USH1C: variants seen among roughly 807,000 people sequenced by gnomAD.
USH1C encodes USH1 protein network component harmonin, also known as harmonin.
Under a neutral mutation model 119.3 loss-of-function variants are expected in USH1C, and 90 were observed. That is an observed-to-expected ratio of 0.75 (90% CI 0.64 to 0.90). USH1C has a LOEUF of 0.90. Ranked by LOEUF, USH1C falls within the 40% of genes least tolerant of loss-of-function variation. USH1C has a pLI of 0.00. For missense variants in USH1C, 1,165 were observed against 1,167.7 expected, an observed-to-expected ratio of 1.00 and a Z score of 0.03; for synonymous variants, 465 against 443.3, an observed-to-expected ratio of 1.05 and a Z score of -0.62.
chr11:17,523,462 A>C lies in USH1C; in HGVS notation c.776T>G (p.Val259Gly), dbSNP rs772108970. 6.2e-7 allele frequency: 1 copy of C among 1,614,204 alleles called. No individual in the cohort carries two copies. The highest frequency in any genetic ancestry group is 2.2e-5 in the East Asian group (1 of 44,884). ...EVGLEIGDQI[V>G]EVNGVDFSNL... Reference sequence around the variant, plus strand: ...AGAGAAGTCGACGCCATTGACTTCGACAATCTGGTCCCCTATCTGGTGGGG... The same window carrying C: ...AGAGAAGTCGACGCCATTGACTTCGCCAATCTGGTCCCCTATCTGGTGGGG... Residue 259 changes from valine to glycine, a missense_variant, in exon 10 of 27, where the codon GTC (valine) becomes GGC (glycine). Transcript: ENST00000005226.
rs1850964316 is a variant in USH1C, at chr11:17,531,324, G to A, written c.249-32C>T. On this transcript the variant is annotated intron_variant, in intron 3 of 26. Transcript: ENST00000005226. This position sits in a 1 kb window ranked among gnomAD's most constrained non-coding sequence, Gnocchi z 4.2. ...CACAGGAGAGGTCGGTGATGGTGCA[G>A]CTTGGCTGCCAGCACTGCCCCGCCC... The A allele has an allele frequency of 6.2e-7, 1 of 1,614,098 alleles. No individual in the cohort carries two copies. Among genetic ancestry groups the A allele is most frequent in the Non-Finnish European group, 8.5e-7 (1 of 1,180,016 alleles).
chr11:17,535,080 C>T (rs1354863199), intron 1 of USH1C, among the ~76,000 whole-genome samples: 2 of 152,170 alleles, frequency 1.3e-5, no homozygotes, highest in East Asian at 3.8e-4. Context: ...CCTGGGCTGC[C>T]CACACTGGGC....
intron 15 of USH1C, among the ~76,000 whole-genome samples, chr11:17,515,683 A>AT (rs1394615611): frequency 6.6e-6 from 1 of 152,264 alleles, no homozygotes; most frequent in Non-Finnish European, 1.5e-5. Context: ...AGATATTGTA[A>AT]TAAGATTTAG....
chr11:17,523,524 C>G (rs1328751875), intron 9 of USH1C, 46 bp from the exon 10 acceptor site: 1 of 1,600,306 alleles, frequency 6.2e-7, no homozygotes, highest in East Asian at 2.2e-5. Flanking sequence ...GCTATCTGTA[C>G]ACTCGCTCAT....
intron 23 of USH1C, among the ~76,000 whole-genome samples, chr11:17,500,322 GCCTCCA>G (rs1294179637): frequency 1.3e-5 from 2 of 152,214 alleles, no homozygotes; most frequent in Non-Finnish European, 2.9e-5. Context: ...TTCAAGTCCT[GCCTCCA>G]CCTTCTCCTG....
intron 1 of USH1C, chr11:17,533,618 A>G: frequency 1.8e-6 from 1 of 556,692 alleles, no homozygotes; most frequent in East Asian, 3.8e-5. Flanking sequence ...ACATAGGTAC[A>G]TATGTGAATC....
intron 25 of USH1C, among the ~76,000 whole-genome samples, chr11:17,496,148 G>A (rs899813338): frequency 6.6e-6 from 1 of 150,920 alleles, no homozygotes; most frequent in East Asian, 1.9e-4. Context: ...GAAGGAGGGG[G>A]GCAGATAAGA....
In USH1C at chr11:17,524,484, T is replaced by C. The variant is rs1419331544; in HGVS notation, c.726A>G (p.Lys242=). 3.8e-6 allele frequency: 6 copies of C among 1,574,564 alleles called. No individual in the cohort carries two copies. In the African/African-American group the frequency reaches 6.8e-5, roughly 18 times the overall value. Residue 242 remains lysine (K), a synonymous_variant, in exon 9 of 27, where the codon AAA becomes AAG. Transcript: ENST00000005226. Reference sequence around the variant, plus strand: ...CCACCTCAGCAGACAGGGAGCCAGGTTTCACATGGCTGATAAAGATGCCAG... The same window carrying C: ...CCACCTCAGCAGACAGGGAGCCAGGCTTCACATGGCTGATAAAGATGCCAG... ...QKPGIFISHV[K]PGSLSAEVGL... is the part of the protein sequence containing the mutation.
chr11:17,526,947 G>T lies in USH1C; in HGVS notation c.521+69C>A, dbSNP rs1592012862. 8.3e-6 allele frequency: 13 copies of T among 1,565,148 alleles called. No homozygotes were observed. In the East Asian group the frequency reaches 3.1e-4, roughly 37 times the overall value. ...AGCAGGGCTGGCATGGTGGGAGCCG[G>T]ACCCCAGGGCTGTACCAGGATCCTG... is the stretch of plus-strand genomic sequence containing the variant. On this transcript the variant is annotated intron_variant, in intron 6 of 26. Transcript: ENST00000005226.
In USH1C at chr11:17,517,310, C is replaced by T. The variant is rs536813559; in HGVS notation, c.1211-1020G>A. 37 of 1,322,214 alleles carry T rather than the reference C, an allele frequency of 2.8e-5. No homozygotes were observed. The African/African-American group carries it at 4.8e-4, about 17-fold the overall frequency. The allele number at this position is 1,322,214 out of a possible 1,614,324, so 81.9% of individuals were successfully genotyped here. On this transcript the variant is annotated intron_variant, in intron 14 of 26. Coordinates refer to ENST00000005226, the MANE Select transcript of USH1C (RefSeq NM_153676.4). ...CTATTGGCCCCCACACATGCTGGGC[C>T]CCTGAAGCTGGGTGTCTGCACTGCG...
In USH1C at chr11:17,511,796, T is replaced by C. The variant is rs1849902951; in HGVS notation, c.1413+106A>G. 8.8e-6 allele frequency: 12 copies of C among 1,369,942 alleles called. No individual in the cohort carries two copies. The South Asian group carries it at 1.7e-4, about 19-fold the overall frequency. The allele number at this position is 1,369,942 out of a possible 1,614,324, so 84.9% of individuals were successfully genotyped here. The stretch of plus-strand genomic sequence containing the variant: ...CAGGAAAGGGCTCACTCCACCCTTG[T>C]ATGCCATTTGAGGAGAACAACTCCA... On this transcript the variant is annotated intron_variant, in intron 16 of 26. Coordinates refer to ENST00000005226, the MANE Select transcript of USH1C (RefSeq NM_153676.4).
At chr11:17,497,943 C>G (rs186794019) in intron 24 of USH1C, among the ~76,000 whole-genome samples, 7 of 152,202 alleles carry the variant, frequency 4.6e-5, no homozygotes, top group Non-Finnish European at 8.8e-5. Flanking sequence ...AAGCCACTGG[C>G]TTTTTGGATC....
chr11:17,512,386 C>T (rs1044801839), intron 15 of USH1C, among the ~76,000 whole-genome samples: 20 of 152,166 alleles, frequency 1.3e-4, no homozygotes, highest in African/African-American at 4.8e-4. Context: ...ACAGGCTTGC[C>T]ACCCAGTGCC....
intron 2 of USH1C, among the ~76,000 whole-genome samples, chr11:17,532,483 A>G (rs1052654417): frequency 1.3e-5 from 2 of 151,758 alleles, no homozygotes; most frequent in Non-Finnish European, 2.9e-5. Context: ...ATTTTTTTGT[A>G]GAGATGGGAT....
rs541020706 is a variant in USH1C, at chr11:17,494,301, T to C, written c.*31A>G. ...CTCAAGGCTGATCCGAGGCTTTGTG[T>C]TCACGAGGTGGGGCCGGAGCTCACT... On this transcript the variant is annotated 3_prime_UTR_variant, in exon 27 of 27. Transcript: ENST00000005226. 7 of 1,604,338 alleles carry C rather than the reference T, an allele frequency of 4.4e-6. No homozygotes were observed. The South Asian group carries it at 7.9e-5, about 18-fold the overall frequency.
intron 20 of USH1C, among the ~76,000 whole-genome samples, chr11:17,503,609 G>A (rs1020971054): frequency 2.6e-5 from 4 of 152,200 alleles, no homozygotes; most frequent in Non-Finnish European, 5.9e-5. Context: ...GGCTGTTTGT[G>A]CCCTAAACCG....
At chr11:17,522,674 A>C in intron 12 of USH1C, 110 bp downstream of exon 12, 1 of 1,507,462 alleles carries the variant, frequency 6.6e-7, no homozygotes, top group East Asian at 2.3e-5. Flanking sequence ...ACTGGCCTCC[A>C]GGGAGGAGGA....
At position 17,531,345 on chromosome 11, in the gene USH1C, C is replaced by A. The variant is rs533891825; in HGVS notation, c.249-53G>T. 1.1e-5 allele frequency: 17 copies of A among 1,613,916 alleles called. No homozygotes were observed. Among genetic ancestry groups the A allele is most frequent in the Non-Finnish European group, 1.4e-5 (17 of 1,179,926 alleles). ...TGCAGCTTGGCTGCCAGCACTGCCCCGCCCAGGGTGATCTCTCCACCCCCT... is the reference window on the plus strand; with the variant it reads ...TGCAGCTTGGCTGCCAGCACTGCCCAGCCCAGGGTGATCTCTCCACCCCCT... On this transcript the variant is annotated intron_variant, in intron 3 of 26. Coordinates refer to ENST00000005226, the MANE Select transcript of USH1C (RefSeq NM_153676.4). This position sits in a 1 kb window ranked among gnomAD's most constrained non-coding sequence, Gnocchi z 4.2.
At chr11:17,521,850 T>C (rs1449761468) in intron 12 of USH1C, among the ~76,000 whole-genome samples, 1 of 152,200 alleles carries the variant, frequency 6.6e-6, no homozygotes, top group Non-Finnish European at 1.5e-5. Context: ...GATTGATTGA[T>C]TGAGACAAAG....
Sources: gnomAD v4.1 joint callset for allele counts (sites outside exome capture counted in the v4.1 genomes callset) on GRCh38, gnomAD v4.1.1 for gene constraint, Gnocchi (gnomAD v3.1) non-coding constraint, MANE v1.5 for transcripts, NCBI Gene and HGNC (gene_info 2026-07-23, HGNC 2026-07-21) for gene names.